GALNTL6: variants seen among roughly 807,000 people sequenced by gnomAD.
GALNTL6 encodes the protein polypeptide N-acetylgalactosaminyltransferase like 6.
Under a neutral mutation model 73.7 loss-of-function variants are expected in GALNTL6, and 46 were observed. The observed-to-expected ratio is 0.62, with a 90% CI of 0.49 to 0.80. GALNTL6 has a LOEUF of 0.80. Ranked by LOEUF, GALNTL6 falls within the 30% of genes least tolerant of loss-of-function variation. GALNTL6 has a pLI of 0.00. For missense variants in GALNTL6, 604 were observed against 755.0 expected (o/e 0.80, Z 2.34); for synonymous variants, 259 against 263.7 (o/e 0.98, Z 0.17).
At chr4:172,093,710 G>A (rs774576798) in intron 2 of GALNTL6, among the ~76,000 whole-genome samples, 63 of 152,136 alleles carry the variant, frequency 4.1e-4, no homozygotes, top group Non-Finnish European at 7.6e-4. Context: ...ATCGTGAACT[G>A]CACATGCGAA....
At chr4:172,978,735 A>G (rs1750942916) in intron 10 of GALNTL6, among the ~76,000 whole-genome samples, 1 of 152,222 alleles carries the variant, frequency 6.6e-6, no homozygotes, top group Non-Finnish European at 1.5e-5. Context: ...ACAAACATAT[A>G]TTGAGCTCAT....
At chr4:172,773,793 A>G (rs1738911693) in intron 5 of GALNTL6, among the ~76,000 whole-genome samples, 1 of 152,218 alleles carries the variant, frequency 6.6e-6, no homozygotes, top group Non-Finnish European at 1.5e-5. Context: ...ATTTGAAACA[A>G]TGTAGCCCAT....
At chr4:172,591,220 T>G (rs1215923080) in intron 5 of GALNTL6, among the ~76,000 whole-genome samples, 1 of 152,214 alleles carries the variant, frequency 6.6e-6, no homozygotes, top group Non-Finnish European at 1.5e-5. Context: ...TTCTTCTCAG[T>G]TCATGACTTC....
At chr4:172,604,328 AT>A (rs1738180489) in intron 5 of GALNTL6, among the ~76,000 whole-genome samples, 1 of 152,150 alleles carries the variant, frequency 6.6e-6, no homozygotes, top group African/African-American at 2.4e-5. Flanking sequence ...GACAAAATGA[AT>A]TTTTTTAAAA....
chr4:172,018,810 A>AC (rs1741299650), intron 2 of GALNTL6, among the ~76,000 whole-genome samples: 1 of 151,880 alleles, frequency 6.6e-6, no homozygotes, highest in African/African-American at 2.4e-5. Flanking sequence ...TCACCCTGTG[A>AC]CCCCTACTTA....
At chr4:172,180,872 T>C (rs1735219836) in intron 2 of GALNTL6, among the ~76,000 whole-genome samples, 1 of 152,178 alleles carries the variant, frequency 6.6e-6, no homozygotes, top group Non-Finnish European at 1.5e-5. Context: ...TAGTTTGAAG[T>C]CAGATAGTGT....
rs144631681 is a variant in GALNTL6 at position 172,527,444 on chromosome 4, T to C, written c.553+178755T>C. Among the ~76,000 whole-genome samples the C allele has an allele frequency of 2.8e-3, 421 of 152,322 alleles. 3 individuals are homozygous for C. The highest frequency in any genetic ancestry group is 4.5e-3 in the Non-Finnish European group (304 of 68,022). ...AAGTCTGAAATACCCGTAAAAGATA[T>C]GTAGCTATGGCCAGGAGAAGACTGT... On this transcript the variant is annotated intron_variant, in intron 5 of 12. Coordinates refer to ENST00000506823, the MANE Select transcript of GALNTL6 (RefSeq NM_001034845.3).
intron 5 of GALNTL6, among the ~76,000 whole-genome samples, chr4:172,746,900 G>GT (rs2110763004): frequency 6.6e-6 from 1 of 152,138 alleles, no homozygotes; most frequent in East Asian, 1.9e-4. Context: ...AAAGGATGAA[G>GT]TAAAATTGTT....
At chr4:172,543,026 G>A (rs780036693) in intron 5 of GALNTL6, among the ~76,000 whole-genome samples, 2 of 150,714 alleles carry the variant, frequency 1.3e-5, no homozygotes, top group Non-Finnish European at 3.0e-5. Flanking sequence ...GAACCCGGGA[G>A]GCGGAGGTTG....
At chr4:172,441,842 G>A (rs1731848580) in intron 5 of GALNTL6, among the ~76,000 whole-genome samples, 1 of 152,080 alleles carries the variant, frequency 6.6e-6, no homozygotes, top group Non-Finnish European at 1.5e-5. Flanking sequence ...TGGTGTATGA[G>A]GGAGCTAGGG....
chr4:172,092,249 A>G (rs977534311), intron 2 of GALNTL6, among the ~76,000 whole-genome samples: 1 of 152,166 alleles, frequency 6.6e-6, no homozygotes, highest in Non-Finnish European at 1.5e-5. Context: ...TCTTACCACA[A>G]TTTTATATAA....
intron 2 of GALNTL6, among the ~76,000 whole-genome samples, chr4:172,144,892 A>G (rs1733889619): frequency 6.6e-6 from 1 of 152,156 alleles, no homozygotes; most frequent in South Asian, 2.1e-4. Context: ...CACAATTTTC[A>G]TTTTGTGTTA....
At chr4:172,587,986 AG>A (rs1234905403) in intron 5 of GALNTL6, among the ~76,000 whole-genome samples, 3 of 152,200 alleles carry the variant, frequency 2.0e-5, no homozygotes, top group African/African-American at 7.2e-5. Context: ...TTTTGCCCAT[AG>A]TAGGCCCTCG....
chr4:172,462,757 A>G (rs544725344), intron 5 of GALNTL6, among the ~76,000 whole-genome samples: 5 of 152,330 alleles, frequency 3.3e-5, no homozygotes, highest in South Asian at 2.1e-4. Flanking sequence ...GTGTTGCCCA[A>G]TTGAATAAAT....
At chr4:171,954,623 T>A (rs1738988168) in intron 2 of GALNTL6, among the ~76,000 whole-genome samples, 1 of 152,162 alleles carries the variant, frequency 6.6e-6, no homozygotes. Flanking sequence ...ATTAAAATAA[T>A]CTGAATAAGT....
chr4:172,430,065 A>G (rs1192418063), intron 5 of GALNTL6, among the ~76,000 whole-genome samples: 1 of 151,910 alleles, frequency 6.6e-6, no homozygotes, highest in Non-Finnish European at 1.5e-5. Flanking sequence ...TGAGCAAAAT[A>G]TATATGTGTG....
chr4:172,782,219 C>CAT (rs1286797256), intron 5 of GALNTL6, among the ~76,000 whole-genome samples: 1 of 152,136 alleles, frequency 6.6e-6, no homozygotes, highest in Non-Finnish European at 1.5e-5. Context: ...GGCAAACACA[C>CAT]ATATGCACAA....
intron 2 of GALNTL6, among the ~76,000 whole-genome samples, chr4:171,956,431 C>G (rs956135892): frequency 1.3e-5 from 2 of 152,066 alleles, no homozygotes; most frequent in African/African-American, 2.4e-5. Context: ...ATAAGAGGAA[C>G]TTCTTTGTAT....
intron 5 of GALNTL6, among the ~76,000 whole-genome samples, chr4:172,495,620 C>CAT (rs576204233): frequency 7.1e-4 from 108 of 152,250 alleles, no homozygotes; most frequent in African/African-American, 2.5e-3. Flanking sequence ...TGGACAGAAA[C>CAT]AGAGCTTCAG....
Sources: gnomAD v4.1 joint callset for allele counts (sites outside exome capture counted in the v4.1 genomes callset) on GRCh38, gnomAD v4.1.1 for gene constraint, MANE v1.5 for transcripts, NCBI Gene and HGNC (gene_info 2026-07-23, HGNC 2026-07-21) for gene names.